Variants in EBF1 observed in about 807,000 individuals in gnomAD.
EBF1 encodes transcription factor COE1.
In EBF1, 10 loss-of-function variants were observed where a neutral mutation model predicts 68.4. The ratio of observed to expected loss-of-function variants is 0.15; its 90% CI spans 0.09 to 0.25. The LOEUF (loss-of-function observed/expected upper bound fraction) is 0.25, where lower values mean the gene tolerates loss of function less well. Among genes scored for constraint, EBF1 ranks in the 10% least tolerant of loss-of-function variants. EBF1 has a pLI of 1.00. For synonymous variants in EBF1, 298 were observed against 299.8 expected (o/e 0.99, Z 0.06); for missense variants, 509 against 794.4 (o/e 0.64, Z 4.32).
intron 9 of EBF1, among the ~76,000 whole-genome samples, chr5:158,788,997 T>C (rs927961411): frequency 6.6e-6 from 1 of 152,172 alleles, no homozygotes; most frequent in East Asian, 1.9e-4. Flanking sequence ...TATCTGTTTT[T>C]TTTTTAATAT....
chr5:159,041,797 C>T (rs1222884362), intron 6 of EBF1, among the ~76,000 whole-genome samples: 1 of 152,142 alleles, frequency 6.6e-6, no homozygotes, highest in African/African-American at 2.4e-5. Context: ...AAGACGCCTC[C>T]TAGAAGATAT....
At chr5:158,968,161 C>G (rs1444797531) in intron 6 of EBF1, among the ~76,000 whole-genome samples, 1 of 152,122 alleles carries the variant, frequency 6.6e-6, no homozygotes, top group East Asian at 1.9e-4. Flanking sequence ...ACTGAGATCC[C>G]AGTCCAAGAA....
intron 8 of EBF1, among the ~76,000 whole-genome samples, chr5:158,819,566 C>T (rs973150631): frequency 6.6e-6 from 1 of 152,110 alleles, no homozygotes; most frequent in African/African-American, 2.4e-5. Flanking sequence ...AATGACTCCC[C>T]AGAACACAGT....
chr5:158,917,780 A>C (rs1807541753), intron 6 of EBF1, among the ~76,000 whole-genome samples: 1 of 152,148 alleles, frequency 6.6e-6, no homozygotes, highest in African/African-American at 2.4e-5. Flanking sequence ...ATCCAGAAAA[A>C]CTGATCTAGC....
chr5:159,030,074 C>G (rs948865818), intron 6 of EBF1, among the ~76,000 whole-genome samples: 1 of 139,244 alleles, frequency 7.2e-6, no homozygotes, highest in African/African-American at 2.8e-5. Flanking sequence ...ATCCATTAAA[C>G]CTAGGCTATG....
chr5:158,735,824 A>C (rs1348985685), intron 10 of EBF1, among the ~76,000 whole-genome samples: 1 of 152,212 alleles, frequency 6.6e-6, no homozygotes, highest in Non-Finnish European at 1.5e-5. Context: ...GCAACTTTCT[A>C]TTCCAACCGA....
intron 9 of EBF1, among the ~76,000 whole-genome samples, chr5:158,783,301 TG>T: frequency 6.6e-6 from 1 of 152,306 alleles, no homozygotes; most frequent in South Asian, 2.1e-4. Flanking sequence ...AACATCAGTT[TG>T]GGGCAATATG....
intron 10 of EBF1, among the ~76,000 whole-genome samples, chr5:158,732,654 G>T (rs1025232685): frequency 6.6e-6 from 1 of 151,758 alleles, no homozygotes; most frequent in African/African-American, 2.4e-5. Flanking sequence ...GTTTTACACA[G>T]GTGAGTAAAA....
intron 6 of EBF1, among the ~76,000 whole-genome samples, chr5:159,072,298 A>G (rs2127940563): frequency 6.6e-6 from 1 of 152,336 alleles, no homozygotes; most frequent in South Asian, 2.1e-4. Context: ...GTCAAAATCA[A>G]CAATCGATCT....
chr5:159,084,180 C>A (rs1424893531), intron 5 of EBF1, among the ~76,000 whole-genome samples: 1 of 150,012 alleles, frequency 6.7e-6, no homozygotes, highest in Non-Finnish European at 1.5e-5. Flanking sequence ...AAAAAAAAAA[C>A]CCACATGCAA....
intron 6 of EBF1, among the ~76,000 whole-genome samples, chr5:158,914,968 G>A (rs930416218): frequency 6.6e-6 from 1 of 152,090 alleles, no homozygotes; most frequent in African/African-American, 2.4e-5. Flanking sequence ...AATTTGAATT[G>A]CAATTAGAAT....
At chr5:159,061,007 A>G (rs192391461) in intron 6 of EBF1, among the ~76,000 whole-genome samples, 72 of 152,016 alleles carry the variant, frequency 4.7e-4, no homozygotes, top group African/African-American at 1.6e-3. Flanking sequence ...GCAGTGGTAA[A>G]CTAGGTCTAT....
In EBF1 at chr5:158,978,797, TACACACAC is replaced by T. The variant is rs57930371; in HGVS notation, c.554+94591_554+94598del. ...TTGAAGATACACACACACACACACATACACACACACACACACACACACACACACACACA... is the reference window on the plus strand; with the variant it reads ...TTGAAGATACACACACACACACACATACACACACACACACACACACACACA... On this transcript the variant is annotated intron_variant, in intron 6 of 15. Transcript: ENST00000313708. Among the ~76,000 whole-genome samples, 407 of 142,950 alleles carry T rather than the reference TACACACAC, an allele frequency of 2.8e-3. 5 individuals are homozygous for T. The highest frequency in any genetic ancestry group is 0.023 in the East Asian group (108 of 4,654). 93.8% of individuals were successfully genotyped at this position (142,950 alleles called of 152,430 possible).
intron 4 of EBF1, among the ~76,000 whole-genome samples, chr5:159,094,427 G>A (rs763022793): frequency 6.6e-6 from 1 of 151,838 alleles, no homozygotes; most frequent in South Asian, 2.1e-4. Context: ...GTGTCATATC[G>A]AAATATGAAA....
chr5:158,774,309 G>C (rs1006931499), intron 10 of EBF1, among the ~76,000 whole-genome samples: 3 of 152,016 alleles, frequency 2.0e-5, no homozygotes, highest in Non-Finnish European at 4.4e-5. Context: ...CAAAAGGTCT[G>C]CCTTTATTAG....
chr5:159,046,257 C>A (rs908482476), intron 6 of EBF1, among the ~76,000 whole-genome samples: 3 of 152,176 alleles, frequency 2.0e-5, no homozygotes, highest in Non-Finnish European at 4.4e-5. Flanking sequence ...AGTGCACAGA[C>A]CCTCGAGGGT....
intron 11 of EBF1, among the ~76,000 whole-genome samples, chr5:158,721,201 C>T (rs1561736943): frequency 1.3e-5 from 2 of 152,138 alleles, no homozygotes; most frequent in African/African-American, 4.8e-5. Context: ...AGCCCTCTTA[C>T]TTCTCAAACA....
intron 6 of EBF1, among the ~76,000 whole-genome samples, chr5:158,973,602 T>A (rs1756109526): frequency 6.6e-6 from 1 of 152,178 alleles, no homozygotes; most frequent in Admixed American, 6.5e-5. Context: ...AAATTTAATG[T>A]CTGAGCTCCA....
At chr5:158,760,153 G>A (rs1771089277) in intron 10 of EBF1, among the ~76,000 whole-genome samples, 1 of 152,166 alleles carries the variant, frequency 6.6e-6, no homozygotes, top group Non-Finnish European at 1.5e-5. Flanking sequence ...AGAAATTCAT[G>A]ACTTATGAAC....
Sources: allele counts gnomAD v4.1 joint callset (sites outside exome capture counted in the v4.1 genomes callset), GRCh38; gene constraint gnomAD v4.1.1; transcripts MANE v1.5; gene names NCBI Gene and HGNC (gene_info 2026-07-23, HGNC 2026-07-21).